The following ANO1 variants were observed in gnomAD, a reference collection of about 807,000 sequenced individuals.
The protein encoded by ANO1 is anoctamin-1.
ANO1 carries 59 observed loss-of-function variants against 124.0 expected under a neutral mutation model. The observed-to-expected ratio is 0.48, with a 90% CI of 0.39 to 0.59. The LOEUF (loss-of-function observed/expected upper bound fraction) is 0.59. Among genes scored for constraint, ANO1 ranks in the 20% least tolerant of loss-of-function variants. The pLI is 0.00. For synonymous variants in ANO1, 529 were observed against 532.0 expected (o/e 0.99, Z 0.08); for missense variants, 1,059 against 1,328.0 (o/e 0.80, Z 3.15).
In ANO1 at chr11:70,146,158, T is replaced by C. The variant is rs7950943; in HGVS notation, c.1259-3552T>C. ...ACAGAGAGTTGGTCCAGTATCGTGG[T>C]TCTGTGAAGACTCTGGAGTCAAAGA... On this transcript the variant is annotated intron_variant, in intron 11 of 25. Transcript: ENST00000355303. Among the ~76,000 whole-genome samples, 1,142 of 152,168 alleles carry C rather than the reference T, an allele frequency of 7.5e-3. 21 individuals carry two copies. Among genetic ancestry groups the C allele is most frequent in the African/African-American group, 0.026 (1,098 of 41,508 alleles).
intron 1 of ANO1, among the ~76,000 whole-genome samples, chr11:70,059,602 T>C (rs188449720): frequency 4.6e-5 from 7 of 151,834 alleles, no homozygotes; most frequent in African/African-American, 1.5e-4. Context: ...GCCTGATGCG[T>C]AGGAAAAGGA....
At chr11:69,990,695 T>C (rs1280157952) in intron 1 of ANO1, among the ~76,000 whole-genome samples, 4 of 151,272 alleles carry the variant, frequency 2.6e-5, no homozygotes, top group Admixed American at 6.6e-5. Context: ...GGGTGCGAAG[T>C]GGTATATCAT....
At chr11:70,048,300 A>T (rs372596997) in intron 1 of ANO1, among the ~76,000 whole-genome samples, 31 of 152,332 alleles carry the variant, frequency 2.0e-4, no homozygotes, top group African/African-American at 7.2e-4. Context: ...AAACTCTATC[A>T]GATATTTATC....
chr11:70,145,792 C>T (rs1378583099), intron 11 of ANO1, among the ~76,000 whole-genome samples: 4 of 151,938 alleles, frequency 2.6e-5, no homozygotes, highest in Non-Finnish European at 5.9e-5. Context: ...CAAAAATTAG[C>T]CGGGCGTGGT....
chr11:70,133,458 G>A (rs1349571511), intron 11 of ANO1, among the ~76,000 whole-genome samples: 1 of 152,216 alleles, frequency 6.6e-6, no homozygotes, highest in African/African-American at 2.4e-5. Context: ...AGGTTCAGAG[G>A]ATGAAGGTAG....
At chr11:70,085,678 A>G in intron 1 of ANO1, 1 of 1,471,468 alleles carries the variant, frequency 6.8e-7, no homozygotes, top group Non-Finnish European at 9.0e-7. Context: ...AAGGTGGGGC[A>G]GCCCCCAACC....
intron 1 of ANO1, among the ~76,000 whole-genome samples, chr11:69,995,316 C>G (rs1199149666): frequency 3.9e-5 from 6 of 152,062 alleles, no homozygotes; most frequent in Non-Finnish European, 8.8e-5. Context: ...CCAGGCTGGT[C>G]TTGAACTCCT....
chr11:70,151,561 C>T (rs1565253111), intron 12 of ANO1, among the ~76,000 whole-genome samples: 1 of 152,232 alleles, frequency 6.6e-6, no homozygotes, highest in Non-Finnish European at 1.5e-5. Context: ...GCCCAGTCCC[C>T]TTTGTTCAAC....
intron 1 of ANO1, among the ~76,000 whole-genome samples, chr11:70,044,829 G>A (rs1206025859): frequency 2.6e-5 from 4 of 152,162 alleles, no homozygotes; most frequent in African/African-American, 9.7e-5. Context: ...AAGAAGACAT[G>A]ACAACTCCCT....
chr11:69,976,486 G>A, the ANO1 span, among the ~76,000 whole-genome samples: 9 of 131,130 alleles, frequency 6.9e-5, 1 homozygote, highest in South Asian at 1.4e-3. Context: ...CAGCCTGGGC[G>A]AAAGAGCAAA....
chr11:70,100,622 C>T (rs1003456720), intron 2 of ANO1, among the ~76,000 whole-genome samples: 7 of 152,178 alleles, frequency 4.6e-5, no homozygotes, highest in South Asian at 2.1e-4. Flanking sequence ...TTTGGGGTCA[C>T]GTGTTACAGA....
intron 3 of ANO1, among the ~76,000 whole-genome samples, chr11:70,103,529 A>G (rs1217709356): frequency 6.6e-6 from 1 of 152,046 alleles, no homozygotes; most frequent in Non-Finnish European, 1.5e-5. Flanking sequence ...CAGCTAATTT[A>G]TCAGATTCAT....
At chr11:70,059,111 G>C (rs782370064) in intron 1 of ANO1, among the ~76,000 whole-genome samples, 4 of 151,948 alleles carry the variant, frequency 2.6e-5, no homozygotes, top group Non-Finnish European at 4.4e-5. Context: ...AGAATGGTGT[G>C]AACCAGGGAG....
chr11:70,137,008 T>A (rs1471801328), intron 11 of ANO1, among the ~76,000 whole-genome samples: 2 of 147,188 alleles, frequency 1.4e-5, no homozygotes, highest in African/African-American at 2.4e-5. Context: ...GTTGGAGGAC[T>A]TCTTGCTGGG....
At chr11:70,031,007 C>T (rs1010662193) in intron 1 of ANO1, among the ~76,000 whole-genome samples, 3 of 152,204 alleles carry the variant, frequency 2.0e-5, no homozygotes, top group Non-Finnish European at 4.4e-5. Context: ...TGCAGTGGCA[C>T]AATCTCAGCT....
chr11:70,116,461 G>T lies in ANO1; in HGVS notation c.859G>T (p.Asp287Tyr). 6.3e-7 allele frequency: 1 copy of T among 1,598,734 alleles called. No individual in the cohort carries two copies. Among genetic ancestry groups the T allele is most frequent in the South Asian group, 1.1e-5 (1 of 88,132 alleles). ...CCCTTTCCTCTTTTTTTAACAGGGA[G>T]ACTACAACGGTGAAAACGTCGAGTT... is the stretch of plus-strand genomic sequence containing the variant. ...YAAAYPLHDGDYNGENVEFND... is the reference protein window; with the variant it reads ...YAAAYPLHDGYYNGENVEFND... Residue 287 changes from aspartate to tyrosine, a missense_variant, in exon 8 of 26, where the codon GAC (aspartate) becomes TAC (tyrosine). Transcript: ENST00000355303.
At chr11:70,081,817 C>T (rs957191180) in intron 1 of ANO1, among the ~76,000 whole-genome samples, 8 of 152,202 alleles carry the variant, frequency 5.3e-5, no homozygotes, top group South Asian at 2.1e-4. Flanking sequence ...CCATTCATGG[C>T]GCCTGGGACA....
At chr11:70,025,073 A>G (rs1856868266) in intron 1 of ANO1, among the ~76,000 whole-genome samples, 1 of 152,198 alleles carries the variant, frequency 6.6e-6, no homozygotes, top group Non-Finnish European at 1.5e-5. Flanking sequence ...AAAGCCTTCC[A>G]TGGCTGTTCA....
At chr11:70,166,510 G>T (rs1040267138) in intron 20 of ANO1, among the ~76,000 whole-genome samples, 4 of 152,218 alleles carry the variant, frequency 2.6e-5, no homozygotes, top group Admixed American at 6.5e-5. Context: ...TGGCCTCGTT[G>T]TTACCTTGTA....
Sources: gnomAD v4.1 joint callset for allele counts (sites outside exome capture counted in the v4.1 genomes callset) on GRCh38, gnomAD v4.1.1 for gene constraint, MANE v1.5 for transcripts, NCBI Gene and HGNC (gene_info 2026-07-23, HGNC 2026-07-21) for gene names.